PIK3C2G: variants seen among roughly 807,000 people sequenced by gnomAD.
PIK3C2G encodes phosphatidylinositol-4-phosphate 3-kinase catalytic subunit type 2 gamma, also known as phosphatidylinositol 3-kinase C2 domain-containing subunit gamma.
PIK3C2G carries 168 observed loss-of-function variants against 181.1 expected under a neutral mutation model. That is an observed-to-expected ratio of 0.93 (90% CI 0.82 to 1.05). PIK3C2G has a LOEUF of 1.05. PIK3C2G is among the 50% of genes least tolerant of loss of function. The pLI is 0.00. For missense variants in PIK3C2G, 1,869 were observed against 1,732.8 expected (o/e 1.08, Z -1.40); for synonymous variants, 573 against 592.2 (o/e 0.97, Z 0.47).
intron 18 of PIK3C2G, among the ~76,000 whole-genome samples, chr12:18,487,316 A>G (rs908424747): frequency 6.6e-6 from 1 of 152,144 alleles, no homozygotes; most frequent in African/African-American, 2.4e-5. Flanking sequence ...TAGCAACAGA[A>G]AACATTGAAT....
chr12:18,273,096 A>G (rs927499777), intron 1 of PIK3C2G, among the ~76,000 whole-genome samples: 13 of 152,108 alleles, frequency 8.5e-5, no homozygotes, highest in African/African-American at 2.9e-4. Context: ...AGAATTACTC[A>G]TTTTTTAAAA....
At chr12:18,272,570 T>C (rs575108884) in intron 1 of PIK3C2G, among the ~76,000 whole-genome samples, 1 of 152,336 alleles carries the variant, frequency 6.6e-6, no homozygotes, top group South Asian at 2.1e-4. Context: ...TACTTAGTTA[T>C]CCAGTGACAG....
At chr12:18,522,637 T>G (rs1403720350) in intron 24 of PIK3C2G, among the ~76,000 whole-genome samples, 2 of 152,080 alleles carry the variant, frequency 1.3e-5, no homozygotes, top group Non-Finnish European at 2.9e-5. Flanking sequence ...ATGTGATATC[T>G]TCTTTATATG....
chr12:18,359,254 C>G (rs1941022263), intron 11 of PIK3C2G, among the ~76,000 whole-genome samples: 1 of 152,194 alleles, frequency 6.6e-6, no homozygotes, highest in Non-Finnish European at 1.5e-5. Flanking sequence ...AGATTTCTTT[C>G]TGCTATTGAC....
At chr12:18,423,803 TA>T (rs1213124543) in intron 17 of PIK3C2G, 141 bp from the exon 18 acceptor site, 3 of 617,326 alleles carry the variant, frequency 4.9e-6, no homozygotes, top group Non-Finnish European at 8.8e-6. Flanking sequence ...TACCGACTCA[TA>T]AAATCATCGA....
At chr12:18,614,644 C>T (rs1948506678) in intron 31 of PIK3C2G, among the ~76,000 whole-genome samples, 2 of 152,094 alleles carry the variant, frequency 1.3e-5, no homozygotes, top group Non-Finnish European at 2.9e-5. Flanking sequence ...TGAAGATTTT[C>T]CAGTATTCAG....
At chr12:18,272,868 G>T (rs970058444) in intron 1 of PIK3C2G, among the ~76,000 whole-genome samples, 3 of 152,052 alleles carry the variant, frequency 2.0e-5, no homozygotes, top group Non-Finnish European at 4.4e-5. Context: ...AAGCAACCCT[G>T]CTTTCTTTTA....
At chr12:18,410,006 T>C (rs991028204) in intron 16 of PIK3C2G, among the ~76,000 whole-genome samples, 1 of 152,114 alleles carries the variant, frequency 6.6e-6, no homozygotes, top group Non-Finnish European at 1.5e-5. Flanking sequence ...GGGGGAAATC[T>C]GCCCCCATGA....
At chr12:18,510,216 A>T (rs1458578343) in intron 24 of PIK3C2G, among the ~76,000 whole-genome samples, 1 of 152,072 alleles carries the variant, frequency 6.6e-6, no homozygotes, top group Non-Finnish European at 1.5e-5. Flanking sequence ...AACAATTTGG[A>T]CCTCGGCCCA....
chr12:18,713,706 T>G, the PIK3C2G span: 12,887 of 152,202 alleles, frequency 0.085, 1,494 homozygotes, highest in African/African-American at 0.26. Flanking sequence ...CGACTCATAA[T>G]TTCACTAGGA....
intron 13 of PIK3C2G, among the ~76,000 whole-genome samples, chr12:18,373,621 G>A (rs1485970262): frequency 3.3e-5 from 5 of 152,164 alleles, no homozygotes; most frequent in South Asian, 2.1e-4. Context: ...AGGCCGAGGC[G>A]GGTGGATCAC....
chr12:18,433,458 G>A (rs1017094180), intron 18 of PIK3C2G, among the ~76,000 whole-genome samples: 6 of 152,044 alleles, frequency 3.9e-5, no homozygotes, highest in Admixed American at 1.3e-4. Context: ...CCCAGGAGGC[G>A]GAGGTTACAG....
chr12:18,433,486 A>G (rs981129348), intron 18 of PIK3C2G, among the ~76,000 whole-genome samples: 1 of 152,190 alleles, frequency 6.6e-6, no homozygotes, highest in Non-Finnish European at 1.5e-5. Context: ...AGATCACGCC[A>G]TTGCACTCCA....
intron 11 of PIK3C2G, among the ~76,000 whole-genome samples, chr12:18,356,959 A>T (rs1168032539): frequency 6.6e-6 from 1 of 152,028 alleles, no homozygotes; most frequent in African/African-American, 2.4e-5. Context: ...CCCAGGCTTG[A>T]GGGTGAGGCT....
chr12:18,715,615 T>C, the PIK3C2G span: 1 of 152,146 alleles, frequency 6.6e-6, no homozygotes, highest in African/African-American at 2.4e-5. Context: ...TTAGCCAGGA[T>C]GGGGTTTTTA....
chr12:18,352,239 T>G (rs1337120391), intron 11 of PIK3C2G, among the ~76,000 whole-genome samples: 1 of 152,244 alleles, frequency 6.6e-6, no homozygotes, highest in East Asian at 1.9e-4. Flanking sequence ...ATGTTGTCTT[T>G]CTAAAGTCCC....
At chr12:18,641,334 G>T (rs1288227956) in intron 32 of PIK3C2G, among the ~76,000 whole-genome samples, 1 of 151,904 alleles carries the variant, frequency 6.6e-6, no homozygotes, top group African/African-American at 2.4e-5. Context: ...GACCTTTATT[G>T]ATAGTACTTT....
At chr12:18,288,544 A>G (rs1949552243) in intron 3 of PIK3C2G, among the ~76,000 whole-genome samples, 1 of 152,198 alleles carries the variant, frequency 6.6e-6, no homozygotes, top group Non-Finnish European at 1.5e-5. Flanking sequence ...AGTTTATGGG[A>G]AAAAAATTCT....
intron 16 of PIK3C2G, among the ~76,000 whole-genome samples, chr12:18,414,106 T>C (rs900678069): frequency 6.6e-6 from 1 of 152,154 alleles, no homozygotes; most frequent in Non-Finnish European, 1.5e-5. Context: ...AGGTATTCTA[T>C]GTTAGAAGAA....
Sources: allele counts gnomAD v4.1 joint callset (sites outside exome capture counted in the v4.1 genomes callset), GRCh38; gene constraint gnomAD v4.1.1; transcripts MANE v1.5; gene names NCBI Gene and HGNC (gene_info 2026-07-23, HGNC 2026-07-21).